The following RYR3 variants were observed in gnomAD, a reference collection of about 807,000 sequenced individuals.
The protein encoded by RYR3 is brain ryanodine receptor-calcium release channel.
In RYR3, 207 loss-of-function variants were observed where a neutral mutation model predicts 584.3. That is an observed-to-expected ratio of 0.35 (90% CI 0.32 to 0.40). The LOEUF (loss-of-function observed/expected upper bound fraction) is 0.40, where lower values mean the gene tolerates loss of function less well. Ranked by LOEUF, RYR3 falls within the 10% of genes least tolerant of loss-of-function variation. The pLI is 1.00. For synonymous variants in RYR3, 2,416 were observed against 2,248.5 expected, an observed-to-expected ratio of 1.07 and a Z score of -2.11; for missense variants, 5,616 against 6,089.2, an observed-to-expected ratio of 0.92 and a Z score of 2.59.
intron 1 of RYR3, among the ~76,000 whole-genome samples, chr15:33,386,830 CA>C (rs572156527): frequency 3.9e-4 from 59 of 152,126 alleles, no homozygotes; most frequent in Middle Eastern, 6.8e-3. Context: ...CATGTTGTAT[CA>C]TGTGTCAGAA....
intron 1 of RYR3, among the ~76,000 whole-genome samples, chr15:33,399,214 A>C (rs75596775): frequency 4.0e-4 from 61 of 152,352 alleles, no homozygotes; most frequent in African/African-American, 1.3e-3. Context: ...TGTAAGACTC[A>C]TATGACATCA....
chr15:33,838,570 A>T lies in RYR3; in HGVS notation c.12590A>T (p.Gln4197Leu). The part of the protein sequence containing the change: ...FFWMLFVGLF[Q>L]LLFTILGGIF... ...TGGATGCTGTTCGTGGGGCTATTCC[A>T]GTTGCTCTTCACCATCCTGGGAGGA... The change falls in exon 89 of 104, where the codon CAG becomes CTG. Residue 4197 changes from glutamine (Q) to leucine (L), a missense_variant. By Grantham distance (113) the Gln-to-Leu change is moderately radical. Coordinates refer to ENST00000634891, the MANE Select transcript of RYR3 (RefSeq NM_001036.6). The T allele has an allele frequency of 3.1e-6, 5 of 1,613,938 alleles. No homozygotes were observed. Among genetic ancestry groups the T allele is most frequent in the Non-Finnish European group, 4.2e-6 (5 of 1,179,870 alleles).
At chr15:33,474,547 G>T (rs2049207364) in intron 2 of RYR3, among the ~76,000 whole-genome samples, 1 of 152,174 alleles carries the variant, frequency 6.6e-6, no homozygotes, top group Admixed American at 6.5e-5. Context: ...TTAACTGACT[G>T]CAGATGTTAA....
At chr15:33,474,034 C>T (rs918939091) in intron 2 of RYR3, among the ~76,000 whole-genome samples, 5 of 152,214 alleles carry the variant, frequency 3.3e-5, no homozygotes, top group African/African-American at 1.2e-4. Flanking sequence ...AATGTTTGCA[C>T]TGGTCTCCGC....
At position 33,556,725 on chromosome 15, in the gene RYR3, G is replaced by A. The variant is rs35888224; in HGVS notation, c.973-6112G>A. ...TCTGGATTCCAGCATTCTTCTTGCC[G>A]TGCGGTGCCCCTTTTACTAGAAAGC... On this transcript the variant is annotated intron_variant, in intron 10 of 103. Coordinates refer to ENST00000634891, the MANE Select transcript of RYR3 (RefSeq NM_001036.6). Among the ~76,000 whole-genome samples the A allele has an allele frequency of 9.5e-3, 1,442 of 152,084 alleles. 12 individuals are homozygous for A. The highest frequency in any genetic ancestry group is 0.015 in the Non-Finnish European group (1,029 of 67,966).
intron 51 of RYR3, among the ~76,000 whole-genome samples, chr15:33,741,759 A>G (rs34411117): frequency 6.6e-6 from 1 of 151,930 alleles, no homozygotes; most frequent in Non-Finnish European, 1.5e-5. Flanking sequence ...GACCACAGGC[A>G]CCAGCCACTA....
At chr15:33,683,538 A>T (rs578083218) in intron 38 of RYR3, among the ~76,000 whole-genome samples, 1 of 152,350 alleles carries the variant, frequency 6.6e-6, no homozygotes, top group South Asian at 2.1e-4. Context: ...AAATAGGAAC[A>T]GCTCTGGTCT....
At chr15:33,810,843 C>G (rs778606347) in intron 71 of RYR3, 135 bp from the exon 72 acceptor site, 1 of 1,085,108 alleles carries the variant, frequency 9.2e-7, no homozygotes, top group Non-Finnish European at 1.4e-6. Flanking sequence ...GGACAAATCT[C>G]CGGAATATTT....
At chr15:33,570,556 T>C (rs2057971361) in intron 12 of RYR3, among the ~76,000 whole-genome samples, 1 of 152,160 alleles carries the variant, frequency 6.6e-6, no homozygotes, top group Admixed American at 6.5e-5. Context: ...TTTATTTTGG[T>C]GCTTCTGGGT....
intron 36 of RYR3, among the ~76,000 whole-genome samples, chr15:33,664,614 T>TATATATATATATATATATATATATAA (rs1491296584): frequency 8.3e-6 from 1 of 120,532 alleles, no homozygotes; most frequent in Non-Finnish European, 1.7e-5. Flanking sequence ...TATATATATA[T>TATATATATATATATATATATATATAA]ACGTATGTAT....
Position 33,620,880 on chromosome 15 carries a change from C to T in RYR3, c.2358-2927C>T, listed in dbSNP as rs535359647. On this transcript the variant is annotated intron_variant, in intron 19 of 103. Coordinates refer to ENST00000634891, the MANE Select transcript of RYR3 (RefSeq NM_001036.6). ...AATGTCATCTGCAGGACTTCTGAAG[C>T]AATCCAGGACCTTTTCTTCTACCCA... Among the ~76,000 whole-genome samples, 7 of 152,308 alleles carry T rather than the reference C, an allele frequency of 4.6e-5. No homozygotes were observed. In the South Asian group the frequency reaches 1.0e-3, roughly 23 times the overall value.
intron 43 of RYR3, among the ~76,000 whole-genome samples, chr15:33,708,272 C>T (rs538352399): frequency 3.3e-5 from 5 of 152,238 alleles, no homozygotes; most frequent in Admixed American, 2.6e-4. Context: ...TTATACAGCT[C>T]GCCAAATTAT....
At chr15:33,381,060 A>G (rs534100756) in intron 1 of RYR3, among the ~76,000 whole-genome samples, 2 of 152,246 alleles carry the variant, frequency 1.3e-5, no homozygotes, top group East Asian at 3.9e-4. Flanking sequence ...TCTTTAGTCT[A>G]TTAGATCAAT....
chr15:33,764,513 G>A (rs149083358), intron 60 of RYR3, among the ~76,000 whole-genome samples: 152 of 151,834 alleles, frequency 1.0e-3, no homozygotes, highest in Non-Finnish European at 1.5e-3. Context: ...CTACCATGGC[G>A]CGTGTATACC....
intron 53 of RYR3, among the ~76,000 whole-genome samples, 175 bp downstream of exon 53, chr15:33,746,332 A>G (rs768236536): frequency 7.6e-4 from 115 of 152,236 alleles, no homozygotes; most frequent in Non-Finnish European, 1.2e-3. Context: ...CCAGTTTCCG[A>G]GAGCCCAGCC....
intron 16 of RYR3, 95 bp from the exon 17 acceptor site, chr15:33,601,320 CCCCA>C: frequency 7.9e-7 from 1 of 1,262,990 alleles, no homozygotes; most frequent in South Asian, 1.4e-5. Context: ...GTCACCTAGC[CCCCA>C]CCCTTTATGG....
chr15:33,533,150 T>C (rs976888113), intron 4 of RYR3, among the ~76,000 whole-genome samples, 161 bp from the exon 5 acceptor site: 2 of 152,104 alleles, frequency 1.3e-5, no homozygotes, highest in African/African-American at 4.8e-5. Context: ...AATGAAAGTA[T>C]TGTATTAAGG....
chr15:33,791,218 A>C (rs2339341), intron 67 of RYR3, among the ~76,000 whole-genome samples: 32,779 of 152,144 alleles, frequency 0.22, 4,451 homozygotes, highest in East Asian at 0.43. Flanking sequence ...TTGTTTCTTC[A>C]CCAATGGGAA....
chr15:33,737,655 A>G (rs766458742), intron 49 of RYR3, among the ~76,000 whole-genome samples: 1 of 152,196 alleles, frequency 6.6e-6, no homozygotes, highest in Non-Finnish European at 1.5e-5. Flanking sequence ...TAGCAGCCCC[A>G]GTTTTCATCT....
Sources: gnomAD v4.1 joint callset for allele counts (sites outside exome capture counted in the v4.1 genomes callset) on GRCh38, gnomAD v4.1.1 for gene constraint, MANE v1.5 for transcripts, NCBI Gene and HGNC (gene_info 2026-07-23, HGNC 2026-07-21) for gene names.